The following SRPRA variants were observed in gnomAD, a reference collection of about 807,000 sequenced individuals.
SRPRA encodes signal recognition particle receptor subunit alpha.
In SRPRA, 30 loss-of-function variants were observed where a neutral mutation model predicts 61.1. That is an observed-to-expected ratio of 0.49 (90% CI 0.37 to 0.67). The LOEUF is 0.67. Ranked by LOEUF, SRPRA falls within the 30% of genes least tolerant of loss-of-function variation. SRPRA has a pLI of 0.00. For missense variants in SRPRA, 759 were observed against 828.4 expected (o/e 0.92, Z 1.03); for synonymous variants, 324 against 299.7 (o/e 1.08, Z -0.84).
the SRPRA span, among the ~76,000 whole-genome samples, chr11:126,247,288 C>T: frequency 6.6e-6 from 1 of 151,988 alleles, no homozygotes; most frequent in Non-Finnish European, 1.5e-5. Flanking sequence ...CAGACTTTCT[C>T]TCAAAAAAAG....
chr11:126,251,009 C>T, the SRPRA span, among the ~76,000 whole-genome samples: 2 of 152,170 alleles, frequency 1.3e-5, no homozygotes, highest in Non-Finnish European at 2.9e-5. Context: ...ACTGTAAGAT[C>T]TCTTTAGCAC....
downstream of SRPRA, among the ~76,000 whole-genome samples, chr11:126,259,842 TC>T (rs1469677540): frequency 3.9e-5 from 6 of 151,910 alleles, no homozygotes; most frequent in Non-Finnish European, 8.8e-5. Context: ...TGCCTCAGTC[TC>T]CCGAGTAGCT....
chr11:126,246,195 T>G, the SRPRA span, among the ~76,000 whole-genome samples: 165 of 152,166 alleles, frequency 1.1e-3, no homozygotes, highest in Non-Finnish European at 1.5e-3. Flanking sequence ...ATAGAAGTAT[T>G]GCGATTATGT....
chr11:126,256,087 A>G, the SRPRA span, among the ~76,000 whole-genome samples: 1 of 152,244 alleles, frequency 6.6e-6, no homozygotes, highest in African/African-American at 2.4e-5. This position sits in a 1 kb window ranked among gnomAD's most constrained non-coding sequence, Gnocchi z 6.6. Flanking sequence ...CCTGGCCAAC[A>G]TGGCAAAACC....
Position 126,268,689 on chromosome 11 carries a change from T to G in SRPRA, c.116A>C (p.Gln39Pro). ...VNALIRSVLLQERGGNNSFTH... is the reference protein window; with the variant it reads ...VNALIRSVLLPERGGNNSFTH... Reference sequence around the variant, plus strand: ...GTTCTGATCCCACGGGGACGGTACCTGCAGCAGCACGGAACGAATCAACGC... The same window carrying G: ...GTTCTGATCCCACGGGGACGGTACCGGCAGCAGCACGGAACGAATCAACGC... The change falls in exon 1 of 14, where the codon CAG becomes CCG. Residue 39 changes from glutamine to proline, a missense_variant and splice_region_variant. By Grantham distance (76) the Gln-to-Pro change is moderately conservative. This residue lies in a region of SRPRA where 475 missense variants were observed against 462.5 expected (regional missense o/e 1.03). Coordinates refer to ENST00000332118, the MANE Select transcript of SRPRA (RefSeq NM_003139.4). 1 of 1,613,020 alleles carries G rather than the reference T, an allele frequency of 6.2e-7. No individual in the cohort carries two copies. The highest frequency in any genetic ancestry group is 8.5e-7 in the Non-Finnish European group (1 of 1,179,328).
chr11:126,261,351 C>T, downstream of SRPRA: 1 of 1,227,086 alleles, frequency 8.1e-7, no homozygotes, highest in East Asian at 2.3e-5. Flanking sequence ...TCCTCATCTC[C>T]CTTTAGTTTT....
chr11:126,267,415 C>T lies in SRPRA; in HGVS notation c.366-80G>A. 1 of 1,592,452 alleles carries T rather than the reference C, an allele frequency of 6.3e-7. No individual in the cohort carries two copies. The highest frequency in any genetic ancestry group is 8.6e-7 in the Non-Finnish European group (1 of 1,168,234). On this transcript the variant is annotated intron_variant, in intron 3 of 13. Transcript: ENST00000332118. The surrounding 1 kb of genome is among the most constrained non-coding windows in gnomAD (Gnocchi z 4.2). ...CGGTCCAGAGAAAGGACTCTCACAC[C>T]CAAGAGGACAATGAGAACTGGGTAG...
rs1950823144 is a variant in SRPRA at position 126,267,020 on chromosome 11, C to G, written c.527-98G>C. The G allele has an allele frequency of 2.0e-6, 3 of 1,533,756 alleles. No homozygotes were observed. The highest frequency in any genetic ancestry group is 2.8e-5 in the African/African-American group (2 of 72,120). On this transcript the variant is annotated intron_variant, in intron 4 of 13. Coordinates refer to ENST00000332118, the MANE Select transcript of SRPRA (RefSeq NM_003139.4). The surrounding 1 kb of genome is among the most constrained non-coding windows in gnomAD (Gnocchi z 4.2). ...CAAATTGTTCAAAGGAAATTTGGAC[C>G]AAACATCTTGGAGTTCATAAGGCCT...
chr11:126,264,151 T>C lies in SRPRA; in HGVS notation c.1788+40A>G, dbSNP rs1319067109. 5.0e-6 allele frequency: 8 copies of C among 1,612,474 alleles called. No individual in the cohort carries two copies. The highest frequency in any genetic ancestry group is 6.8e-6 in the Non-Finnish European group (8 of 1,178,918). On this transcript the variant is annotated intron_variant, in intron 13 of 13. Transcript: ENST00000332118. This position sits in a 1 kb window ranked among gnomAD's most constrained non-coding sequence, Gnocchi z 5.0. ...GATTTCCTTGCAGCCTCAGCTCCTT[T>C]GTGCAGGACGCCCATTCCAGCCTCC...
chr11:126,257,639 A>G, the SRPRA span, among the ~76,000 whole-genome samples: 1 of 144,866 alleles, frequency 6.9e-6, no homozygotes, highest in Non-Finnish European at 1.5e-5. Flanking sequence ...GTAGAAATGT[A>G]TCTGGAATGT....
At chr11:126,243,088 A>G in the SRPRA span, among the ~76,000 whole-genome samples, 3 of 152,238 alleles carry the variant, frequency 2.0e-5, no homozygotes, top group Non-Finnish European at 4.4e-5. Flanking sequence ...ATTAAGTAAA[A>G]GAAGCCAGAC....
rs750226969 is a variant in SRPRA at position 126,265,289 on chromosome 11, C to T, written c.1290G>A (p.Gly430=). 1.2e-6 allele frequency: 2 copies of T among 1,614,150 alleles called. No individual in the cohort carries two copies. The highest frequency in any genetic ancestry group is 1.7e-6 in the Non-Finnish European group (2 of 1,180,028). ...VVTFCGVNGV[G]KSTNLAKISF... ...TGACCTTGGCAAGATTAGTAGATTTCCCCACTCCATTAACGCCGCAGAAGG... is the reference window on the plus strand; with the variant it reads ...TGACCTTGGCAAGATTAGTAGATTTTCCCACTCCATTAACGCCGCAGAAGG... The change falls in exon 10 of 14, where the codon GGG becomes GGA. Residue 430 remains glycine, a synonymous_variant. Coordinates refer to ENST00000332118, the MANE Select transcript of SRPRA (RefSeq NM_003139.4). This position sits in a 1 kb window ranked among gnomAD's most constrained non-coding sequence, Gnocchi z 6.3.
At chr11:126,247,889 A>ATATATAGATATACGTATATC in the SRPRA span, among the ~76,000 whole-genome samples, 1 of 146,614 alleles carries the variant, frequency 6.8e-6, no homozygotes, top group African/African-American at 2.5e-5. Context: ...ATCTATATAT[A>ATATATAGATATACGTATATC]TATATAGATA....
chr11:126,261,150 TATGTGAAATGTAAA>T (rs1950687646), downstream of SRPRA: 5 of 255,176 alleles, frequency 2.0e-5, no homozygotes, highest in South Asian at 1.1e-4. Flanking sequence ...ATGTTGCCTG[TATGTGAAATGTAAA>T]ATGTAAAATG....
At chr11:126,240,407 A>C in the SRPRA span, among the ~76,000 whole-genome samples, 3 of 151,910 alleles carry the variant, frequency 2.0e-5, no homozygotes, top group Admixed American at 1.3e-4. Flanking sequence ...CTTTTTCTAG[A>C]GTACAAATCA....
chr11:126,236,686 A>AT, the SRPRA span, among the ~76,000 whole-genome samples: 1 of 150,950 alleles, frequency 6.6e-6, no homozygotes, highest in Non-Finnish European at 1.5e-5. Flanking sequence ...TCTATTCCAC[A>AT]TTTTTTTAAA....
rs781751244 is a variant in SRPRA at position 126,265,076 on chromosome 11, G to A, written c.1408C>T (p.Arg470Trp). ...GGAGGGTGTAGGGCACTCAAACGCC[G>A]GGTGTGTGTACGCAGCTGCTCCACG... ...GAVEQLRTHT[R>W]RLSALHPPEK... The change falls in exon 11 of 14, where the codon CGG (arginine) becomes TGG (tryptophan). Residue 470 changes from arginine (R) to tryptophan (W), a missense_variant. By Grantham distance (101) the Arg-to-Trp change is moderately radical. Transcript: ENST00000332118. This position sits in a 1 kb window ranked among gnomAD's most constrained non-coding sequence, Gnocchi z 6.3. 45 of 1,614,014 alleles carry A rather than the reference G, an allele frequency of 2.8e-5. No individual in the cohort carries two copies. The highest frequency in any genetic ancestry group is 1.6e-4 in the Middle Eastern group (1 of 6,084).
At chr11:126,236,033 A>T in the SRPRA span, among the ~76,000 whole-genome samples, 24 of 152,294 alleles carry the variant, frequency 1.6e-4, no homozygotes, top group African/African-American at 5.5e-4. Flanking sequence ...ACACACCGAT[A>T]ACTTGCTGGT....
the SRPRA span, chr11:126,256,524 G>T: frequency 8.2e-6 from 13 of 1,587,172 alleles, no homozygotes; most frequent in Non-Finnish European, 1.0e-5. The surrounding 1 kb of genome is among the most constrained non-coding windows in gnomAD (Gnocchi z 6.6). Context: ...CTTGCCTTGA[G>T]TGTGTCTTCA....
Sources: gnomAD v4.1 joint callset for allele counts (sites outside exome capture counted in the v4.1 genomes callset) on GRCh38, gnomAD v4.1.1 for gene constraint, gnomAD v4.1.1 regional missense constraint, Gnocchi (gnomAD v3.1) non-coding constraint, MANE v1.5 for transcripts, NCBI Gene and HGNC (gene_info 2026-07-23, HGNC 2026-07-21) for gene names.